NAPG: variants seen among roughly 807,000 people sequenced by gnomAD.
The protein encoded by NAPG is NSF attachment protein gamma.
NAPG carries 25 observed loss-of-function variants against 48.4 expected under a neutral mutation model. The ratio of observed to expected loss-of-function variants is 0.52; its 90% CI spans 0.38 to 0.72. The LOEUF is 0.72. NAPG is among the 30% of genes least tolerant of loss of function. The pLI is 0.00. For missense variants in NAPG, 359 were observed against 372.5 expected (o/e 0.96, Z 0.30); for synonymous variants, 139 against 127.2 (o/e 1.09, Z -0.62).
intron 8 of NAPG, among the ~76,000 whole-genome samples, chr18:10,545,811 G>A (rs1360194294): frequency 6.6e-6 from 1 of 152,228 alleles, no homozygotes; most frequent in Non-Finnish European, 1.5e-5. Context: ...GATGCAGGAA[G>A]GCTTTTGTTT....
rs1014289209 is a variant in NAPG, at chr18:10,543,166, A to G, written c.506+2767A>G. On this transcript the variant is annotated intron_variant, in intron 8 of 11. Coordinates refer to ENST00000322897, the MANE Select transcript of NAPG (RefSeq NM_003826.3). This position sits in a 1 kb window ranked among gnomAD's most constrained non-coding sequence, Gnocchi z 4.4. ...AAAAAAAAAAGAAAAGAAAAGAAAA[A>G]AAGACCTTTCCAGCAAGTTGATCAT... is the stretch of plus-strand genomic sequence containing the variant. 2.6e-5 allele frequency among the ~76,000 whole-genome samples: 4 copies of G among 152,006 alleles called. No individual in the cohort carries two copies. Among genetic ancestry groups the G allele is most frequent in the African/African-American group, 9.7e-5 (4 of 41,396 alleles).
rs374747100 is a variant in NAPG at position 10,539,912 on chromosome 18, C to T, written c.368+41C>T. ...ACAAGTCTCTGCATAGAAGTCTTGT[C>T]TTTTTGTTTTAAAGAGGTCCCTGAA... On this transcript the variant is annotated intron_variant, in intron 6 of 11. Coordinates refer to ENST00000322897, the MANE Select transcript of NAPG (RefSeq NM_003826.3). The surrounding 1 kb of genome is among the most constrained non-coding windows in gnomAD (Gnocchi z 4.7). 1.9e-6 allele frequency: 3 copies of T among 1,610,164 alleles called. No individual in the cohort carries two copies. Among genetic ancestry groups the T allele is most frequent in the South Asian group, 2.2e-5 (2 of 90,754 alleles).
intron 5 of NAPG, among the ~76,000 whole-genome samples, chr18:10,537,550 C>T (rs947607429): frequency 2.0e-5 from 3 of 151,934 alleles, no homozygotes; most frequent in Non-Finnish European, 4.4e-5. Flanking sequence ...AGACAGTCTG[C>T]GTATAATTGG....
At chr18:10,547,959 A>G (rs1219614450) in intron 9 of NAPG, among the ~76,000 whole-genome samples, 2 of 152,148 alleles carry the variant, frequency 1.3e-5, no homozygotes, top group African/African-American at 4.8e-5. Flanking sequence ...ATCTGTGTAG[A>G]TATTTGAAAG....
In NAPG at chr18:10,548,141, C is replaced by G. The variant is rs2032306568; in HGVS notation, c.586-158C>G. ...GAAAAGTACTGTTCTAGGATATTTC[C>G]CCTCAGGTGTCCCGTGGAAGTTACT... is the stretch of plus-strand genomic sequence containing the variant. On this transcript the variant is annotated intron_variant, in intron 9 of 11. Coordinates refer to ENST00000322897, the MANE Select transcript of NAPG (RefSeq NM_003826.3). The surrounding 1 kb of genome is among the most constrained non-coding windows in gnomAD (Gnocchi z 4.4). Among the ~76,000 whole-genome samples the G allele has an allele frequency of 6.6e-6, 1 of 152,142 alleles. No individual in the cohort carries two copies. Among genetic ancestry groups the G allele is most frequent in the Non-Finnish European group, 1.5e-5 (1 of 68,030 alleles).
In NAPG at chr18:10,534,594, G is replaced by C; in HGVS notation, c.258+98G>C. The stretch of plus-strand genomic sequence containing the variant: ...GTTGAAGTTGAAAAGCTTCCTTACT[G>C]TAAGGCAAGAGGTGCTAAGTTAAGA... On this transcript the variant is annotated intron_variant, in intron 5 of 11. Transcript: ENST00000322897. This position sits in a 1 kb window ranked among gnomAD's most constrained non-coding sequence, Gnocchi z 5.0. 8.8e-7 allele frequency: 1 copy of C among 1,135,966 alleles called. No homozygotes were observed. 70.4% of individuals were successfully genotyped at this position (1,135,966 alleles called of 1,614,324 possible).
intron 1 of NAPG, among the ~76,000 whole-genome samples, chr18:10,530,403 C>T (rs534395736): frequency 2.0e-5 from 3 of 152,154 alleles, no homozygotes; most frequent in East Asian, 3.9e-4. Flanking sequence ...CGATACTGTG[C>T]TTCAGAGGTT....
Position 10,544,844 on chromosome 18 carries a change from A to C in NAPG, c.507-1482A>C, listed in dbSNP as rs1309971808. 6.6e-6 allele frequency among the ~76,000 whole-genome samples: 1 copy of C among 152,200 alleles called. No individual in the cohort carries two copies. The highest frequency in any genetic ancestry group is 1.5e-5 in the Non-Finnish European group (1 of 68,034). On this transcript the variant is annotated intron_variant, in intron 8 of 11. Coordinates refer to ENST00000322897, the MANE Select transcript of NAPG (RefSeq NM_003826.3). This position sits in a 1 kb window ranked among gnomAD's most constrained non-coding sequence, Gnocchi z 5.1. ...AAAATTTATCAAGTTGACCTGTGGA[A>C]ATTCAGAATGCATTTCTCCTATGAG...
chr18:10,535,394 C>T (rs550007159), intron 5 of NAPG, among the ~76,000 whole-genome samples: 4 of 152,114 alleles, frequency 2.6e-5, no homozygotes, highest in African/African-American at 7.2e-5. Flanking sequence ...AGTCTATCAT[C>T]GAGAGAGAGA....
chr18:10,540,223 T>TC, intron 7 of NAPG, 106 bp from the exon 8 acceptor site: 3 of 1,099,690 alleles, frequency 2.7e-6, no homozygotes, highest in Admixed American at 2.2e-5. Context: ...GCTTTCGTGT[T>TC]CCCCCCTTGA....
intron 5 of NAPG, among the ~76,000 whole-genome samples, chr18:10,535,988 C>G (rs935836571): frequency 6.6e-6 from 1 of 152,160 alleles, no homozygotes; most frequent in Non-Finnish European, 1.5e-5. Flanking sequence ...TCATTTTCCT[C>G]TGAGAATTAG....
intron 1 of NAPG, among the ~76,000 whole-genome samples, chr18:10,528,140 C>T (rs986345245): frequency 3.5e-4 from 53 of 151,978 alleles, no homozygotes; most frequent in Admixed American, 3.4e-3. Context: ...GAGCGGAGAT[C>T]GCGCCACTGC....
intron 5 of NAPG, among the ~76,000 whole-genome samples, chr18:10,536,969 T>C (rs1234158233): frequency 5.3e-5 from 8 of 151,854 alleles, no homozygotes; most frequent in Admixed American, 5.2e-4. Flanking sequence ...TTTGTTTTTT[T>C]TTTTTGAGAC....
At chr18:10,541,899 G>A (rs2032165313) in intron 8 of NAPG, among the ~76,000 whole-genome samples, 2 of 152,200 alleles carry the variant, frequency 1.3e-5, no homozygotes, top group Admixed American at 6.5e-5. Context: ...TGTTGTAGAG[G>A]GAGTAGCAGG....
intron 7 of NAPG, 64 bp from the exon 8 acceptor site, chr18:10,540,265 A>G (rs370847718): frequency 1.0e-4 from 148 of 1,416,208 alleles, no homozygotes; most frequent in Non-Finnish European, 1.4e-4. Context: ...CAAAATAAAT[A>G]TTAGGGGATA....
chr18:10,526,779 A>G (rs1567886074), intron 1 of NAPG: 1 of 152,226 alleles, frequency 6.6e-6, no homozygotes, highest in Admixed American at 6.5e-5. Flanking sequence ...CGTAGTAGGC[A>G]CCCTGCAAAT....
At chr18:10,526,457 C>T (rs1004474722) in intron 1 of NAPG, 10 of 411,640 alleles carry the variant, frequency 2.4e-5, no homozygotes, top group South Asian at 7.0e-5. Flanking sequence ...TACTTGGGCG[C>T]TCTGCTCCTG....
chr18:10,546,768 T>C lies in NAPG; in HGVS notation c.585+364T>C, dbSNP rs748538072. Among the ~76,000 whole-genome samples, 4 of 152,184 alleles carry C rather than the reference T, an allele frequency of 2.6e-5. No individual in the cohort carries two copies. The highest frequency in any genetic ancestry group is 9.7e-5 in the African/African-American group (4 of 41,442). On this transcript the variant is annotated intron_variant, in intron 9 of 11. Transcript: ENST00000322897. The surrounding 1 kb of genome is among the most constrained non-coding windows in gnomAD (Gnocchi z 4.0). ...CTGCCCTGAGAGAAGCCCACAGTTG[T>C]GGAGCTGGGCAGCAAAGGCTGCAAC...
intron 3 of NAPG, 58 bp from the exon 4 acceptor site, chr18:10,533,478 T>C (rs2031971204): frequency 2.7e-6 from 4 of 1,474,568 alleles, no homozygotes; most frequent in Non-Finnish European, 3.7e-6. Context: ...AGTTGATCTA[T>C]AGAAACTATT....
Sources: allele counts gnomAD v4.1 joint callset (sites outside exome capture counted in the v4.1 genomes callset), GRCh38; gene constraint gnomAD v4.1.1; non-coding constraint Gnocchi (gnomAD v3.1); transcripts MANE v1.5; gene names NCBI Gene and HGNC (gene_info 2026-07-23, HGNC 2026-07-21).